The following SNTG1 variants were observed in gnomAD, a reference collection of about 807,000 sequenced individuals.
The protein encoded by SNTG1 is gamma-1-syntrophin.
SNTG1 carries 39 observed loss-of-function variants against 74.7 expected under a neutral mutation model. The ratio of observed to expected loss-of-function variants is 0.52; its 90% CI spans 0.40 to 0.68. The LOEUF is 0.68. SNTG1 is among the 30% of genes least tolerant of loss of function. SNTG1 has a pLI of 0.00. For missense variants in SNTG1, 685 were observed against 609.5 expected, an observed-to-expected ratio of 1.12 and a Z score of -1.30; for synonymous variants, 254 against 217.1, an observed-to-expected ratio of 1.17 and a Z score of -1.49.
chr8:50,646,796 C>A (rs2095112055), intron 13 of SNTG1, among the ~76,000 whole-genome samples: 1 of 152,042 alleles, frequency 6.6e-6, no homozygotes, highest in Non-Finnish European at 1.5e-5. Context: ...TCAGGAGGCT[C>A]GTATTATCCA....
Position 49,913,272 on chromosome 8 carries a change from C to T in SNTG1, c.-103+1041C>T, listed in dbSNP as rs147342251. On this transcript the variant is annotated intron_variant, in intron 1 of 18. Transcript: ENST00000642720. ...TGTGATGAGATATTCATAATCAACT[C>T]TGTGAAAAGAGTCTACCCCTTTGAA... is the stretch of plus-strand genomic sequence containing the variant. Among the ~76,000 whole-genome samples the T allele has an allele frequency of 9.8e-5, 15 of 152,296 alleles. No individual in the cohort carries two copies. The East Asian group carries it at 2.3e-3, about 24-fold the overall frequency.
At chr8:50,140,534 T>G (rs960907525) in intron 1 of SNTG1, among the ~76,000 whole-genome samples, 5 of 151,996 alleles carry the variant, frequency 3.3e-5, no homozygotes, top group African/African-American at 9.7e-5. Context: ...GTATGAGTGT[T>G]AGAAACTGTG....
chr8:50,737,773 G>A (rs767302229), intron 17 of SNTG1, among the ~76,000 whole-genome samples: 19 of 151,992 alleles, frequency 1.3e-4, no homozygotes, highest in African/African-American at 2.4e-4. Flanking sequence ...ATCAATAAAC[G>A]TAATCCATCA....
In SNTG1 at chr8:50,334,670, A is replaced by T. The variant is rs12675357; in HGVS notation, c.-27-59542A>T. Among the ~76,000 whole-genome samples, 287 of 152,318 alleles carry T rather than the reference A, an allele frequency of 1.9e-3. 6 individuals carry two copies. In the East Asian group the frequency reaches 0.051, roughly 27 times the overall value. ...ATAGTGTCAAAGTCCAGAAATGCCC[A>T]TTGCTGTGCTATCTGGGCAAATTAC... On this transcript the variant is annotated intron_variant, in intron 2 of 18. Coordinates refer to ENST00000642720, the MANE Select transcript of SNTG1 (RefSeq NM_018967.5).
intron 1 of SNTG1, among the ~76,000 whole-genome samples, chr8:50,162,818 C>A (rs368693390): frequency 2.0e-5 from 3 of 152,122 alleles, no homozygotes; most frequent in Non-Finnish European, 2.9e-5. Context: ...CACTGCTGTT[C>A]CTGGAGGTAA....
intron 1 of SNTG1, among the ~76,000 whole-genome samples, chr8:50,011,202 T>G (rs1815758274): frequency 6.6e-6 from 1 of 152,264 alleles, no homozygotes. Flanking sequence ...ATGACAAACA[T>G]TATTCTGAAT....
At chr8:50,148,486 C>CACCCATTAACTCAT (rs2081950331) in intron 1 of SNTG1, among the ~76,000 whole-genome samples, 1 of 152,112 alleles carries the variant, frequency 6.6e-6, no homozygotes, top group South Asian at 2.1e-4. Flanking sequence ...TATACATATG[C>CACCCATTAACTCAT]CATGTTGGTG....
intron 2 of SNTG1, among the ~76,000 whole-genome samples, chr8:50,334,909 A>G (rs1040741685): frequency 1.3e-5 from 2 of 152,210 alleles, no homozygotes; most frequent in African/African-American, 2.4e-5. Flanking sequence ...ACTTGAAAAT[A>G]TAGTTAATTG....
At chr8:50,367,425 T>G (rs1353639589) in intron 2 of SNTG1, among the ~76,000 whole-genome samples, 1 of 152,162 alleles carries the variant, frequency 6.6e-6, no homozygotes, top group African/African-American at 2.4e-5. Context: ...TTGCAGCCAC[T>G]AACAAAATAT....
intron 8 of SNTG1, chr8:50,458,000 C>T (rs1587693790): frequency 6.6e-6 from 1 of 152,144 alleles, no homozygotes; most frequent in Non-Finnish European, 1.5e-5. Flanking sequence ...AAATAATCCA[C>T]AAATAGTACA....
chr8:50,229,374 TTAAA>T (rs1563770605), intron 2 of SNTG1, among the ~76,000 whole-genome samples: 1 of 151,350 alleles, frequency 6.6e-6, no homozygotes, highest in Non-Finnish European at 1.5e-5. Context: ...ATATAAAGAA[TTAAA>T]TAGTTTAACT....
intron 5 of SNTG1, among the ~76,000 whole-genome samples, chr8:50,444,281 G>A (rs1369809858): frequency 6.6e-6 from 1 of 152,064 alleles, no homozygotes; most frequent in Non-Finnish European, 1.5e-5. Context: ...ATAAATGTAT[G>A]CCTTTTAACT....
At chr8:50,052,303 A>G (rs1819644351) in intron 1 of SNTG1, among the ~76,000 whole-genome samples, 1 of 152,122 alleles carries the variant, frequency 6.6e-6, no homozygotes, top group South Asian at 2.1e-4. Context: ...CATTTTATCA[A>G]TGTGGCCAAG....
chr8:50,000,447 T>A (rs907366288), intron 1 of SNTG1, among the ~76,000 whole-genome samples: 3 of 152,200 alleles, frequency 2.0e-5, no homozygotes, highest in African/African-American at 7.2e-5. Context: ...CTTATTTTTT[T>A]ATGTTGTGCT....
chr8:50,465,850 G>C (rs1451217884), intron 8 of SNTG1, among the ~76,000 whole-genome samples: 2 of 152,084 alleles, frequency 1.3e-5, no homozygotes, highest in African/African-American at 4.8e-5. Context: ...ACCTGTTGAA[G>C]GGCATCACAC....
At chr8:50,477,185 G>A (rs1375028855) in intron 8 of SNTG1, among the ~76,000 whole-genome samples, 4 of 151,904 alleles carry the variant, frequency 2.6e-5, no homozygotes, top group Admixed American at 2.0e-4. Context: ...AGTATGGGCT[G>A]TCCATTCTGA....
intron 1 of SNTG1, among the ~76,000 whole-genome samples, chr8:50,087,521 T>A (rs1563573341): frequency 1.3e-5 from 2 of 152,180 alleles, no homozygotes; most frequent in East Asian, 3.9e-4. Context: ...TACATTTCTC[T>A]TTTGTTTCTA....
chr8:50,220,868 A>G (rs1045966932), intron 2 of SNTG1, among the ~76,000 whole-genome samples: 1 of 152,216 alleles, frequency 6.6e-6, no homozygotes, highest in Non-Finnish European at 1.5e-5. Context: ...ATATTTGTGG[A>G]TGAACCAACA....
At chr8:50,517,364 A>G (rs1170788732) in intron 9 of SNTG1, among the ~76,000 whole-genome samples, 5 of 152,182 alleles carry the variant, frequency 3.3e-5, no homozygotes, top group African/African-American at 1.2e-4. Context: ...AAGACCATCA[A>G]TGCCATTAAC....
Sources: gnomAD v4.1 joint callset for allele counts (sites outside exome capture counted in the v4.1 genomes callset) on GRCh38, gnomAD v4.1.1 for gene constraint, MANE v1.5 for transcripts, NCBI Gene and HGNC (gene_info 2026-07-23, HGNC 2026-07-21) for gene names.